Variants in CLVS2 observed in about 807,000 individuals in gnomAD.
The protein encoded by CLVS2 is clavesin 2.
In CLVS2, 19 loss-of-function variants were observed where a neutral mutation model predicts 29.0. That is an observed-to-expected ratio of 0.66 (90% CI 0.46 to 0.96). The LOEUF is 0.96. Among genes scored for constraint, CLVS2 ranks in the 40% least tolerant of loss-of-function variants. The pLI is 0.00. For missense variants in CLVS2, 294 were observed against 404.1 expected, an observed-to-expected ratio of 0.73 and a Z score of 2.34; for synonymous variants, 161 against 151.3, an observed-to-expected ratio of 1.06 and a Z score of -0.47.
chr6:123,051,907 A>C (rs1459107945), intron 4 of CLVS2, among the ~76,000 whole-genome samples: 3 of 152,210 alleles, frequency 2.0e-5, no homozygotes, highest in Admixed American at 2.0e-4. Flanking sequence ...ACACAGAACT[A>C]GTGAAAACAA....
chr6:123,014,630 G>A (rs180849568), intron 3 of CLVS2, among the ~76,000 whole-genome samples: 5 of 152,076 alleles, frequency 3.3e-5, no homozygotes, highest in Non-Finnish European at 7.4e-5. Context: ...TACCTGGCAG[G>A]TAATATCAAT....
At chr6:123,006,482 A>G (rs1774670852) in intron 2 of CLVS2, among the ~76,000 whole-genome samples, 2 of 152,210 alleles carry the variant, frequency 1.3e-5, no homozygotes, top group Admixed American at 6.5e-5. Flanking sequence ...GAGAAAGAAA[A>G]AGAGACACAA....
chr6:123,010,938 G>T, intron 2 of CLVS2, 47 bp from the exon 3 acceptor site: 2 of 1,255,754 alleles, frequency 1.6e-6, no homozygotes, highest in East Asian at 2.7e-5. Context: ...TAGCTTTTTG[G>T]AAAAGTGGTT....
intron 3 of CLVS2, among the ~76,000 whole-genome samples, chr6:123,025,627 C>G (rs116352665): frequency 0.012 from 1,805 of 152,246 alleles, 49 homozygotes; most frequent in African/African-American, 0.04. Flanking sequence ...CAAGCTGAGT[C>G]CTTCTCCAAG....
intron 3 of CLVS2, among the ~76,000 whole-genome samples, chr6:123,022,507 A>G (rs1486483770): frequency 6.6e-6 from 1 of 151,992 alleles, no homozygotes; most frequent in South Asian, 2.1e-4. Context: ...GGTAGGAGAT[A>G]AATTATTCTT....
At chr6:123,050,360 C>T (rs1032801547) in intron 4 of CLVS2, among the ~76,000 whole-genome samples, 1 of 152,134 alleles carries the variant, frequency 6.6e-6, no homozygotes, top group Non-Finnish European at 1.5e-5. Context: ...GTTCTCAGTG[C>T]TTTGCATAAG....
At chr6:123,022,709 A>T (rs531778179) in intron 3 of CLVS2, among the ~76,000 whole-genome samples, 3 of 151,962 alleles carry the variant, frequency 2.0e-5, no homozygotes, top group Non-Finnish European at 4.4e-5. Flanking sequence ...TTGAACTAAG[A>T]CTCTTAAGCT....
intron 3 of CLVS2, among the ~76,000 whole-genome samples, chr6:123,039,630 C>A (rs1353444785): frequency 6.6e-6 from 1 of 152,136 alleles, no homozygotes; most frequent in East Asian, 1.9e-4. Flanking sequence ...CTTAAACAAG[C>A]CCTGTGTCTT....
intron 3 of CLVS2, among the ~76,000 whole-genome samples, chr6:123,016,544 C>G (rs1205397836): frequency 6.6e-6 from 1 of 151,944 alleles, no homozygotes; most frequent in Non-Finnish European, 1.5e-5. Context: ...TGTGCTTTTG[C>G]CTTCACAATT....
At chr6:123,018,277 C>G (rs1485111605) in intron 3 of CLVS2, among the ~76,000 whole-genome samples, 1 of 152,004 alleles carries the variant, frequency 6.6e-6, no homozygotes, top group East Asian at 1.9e-4. Flanking sequence ...GTAAATGCAT[C>G]TTGATGTGTT....
chr6:123,010,318 C>T (rs1252184999), intron 2 of CLVS2, among the ~76,000 whole-genome samples: 2 of 151,886 alleles, frequency 1.3e-5, no homozygotes, highest in East Asian at 1.9e-4. Context: ...GTTACTGGAA[C>T]GTTTCAGGAA....
rs941343158 is a variant in CLVS2 at position 123,068,394 on chromosome 6, C to T, written c.*4633C>T. On this transcript the variant is annotated 3_prime_UTR_variant, in exon 6 of 6. Transcript: ENST00000275162. ...GATATAGTGCATTTATTCTGTAAGACTTATTTTACCTGGTGAACGAGATGG... is the reference window on the plus strand; with the variant it reads ...GATATAGTGCATTTATTCTGTAAGATTTATTTTACCTGGTGAACGAGATGG... The T allele has an allele frequency of 6.6e-6, 1 of 151,546 alleles. No homozygotes were observed. The highest frequency in any genetic ancestry group is 1.5e-5 in the Non-Finnish European group (1 of 67,660). 9.4% of individuals were successfully genotyped at this position (151,546 alleles called of 1,614,324 possible).
At chr6:123,035,703 CTT>C (rs1775144294) in intron 3 of CLVS2, among the ~76,000 whole-genome samples, 1 of 151,910 alleles carries the variant, frequency 6.6e-6, no homozygotes, top group East Asian at 1.9e-4. Context: ...GTCAGAATTG[CTT>C]TGTTCAGTTA....
intron 5 of CLVS2, 135 bp downstream of exon 5, chr6:123,056,161 A>G: frequency 1.6e-6 from 1 of 636,332 alleles, no homozygotes; most frequent in South Asian, 1.9e-5. Flanking sequence ...CTATGATTGT[A>G]TGTCTAAGAG....
At chr6:123,041,580 G>A (rs1013469791) in intron 3 of CLVS2, among the ~76,000 whole-genome samples, 15 of 152,220 alleles carry the variant, frequency 9.9e-5, no homozygotes, top group Non-Finnish European at 2.1e-4. Flanking sequence ...GGGCAAAAGA[G>A]AGATTTTCCA....
At chr6:123,049,133 G>A (rs1772566047) in intron 4 of CLVS2, among the ~76,000 whole-genome samples, 2 of 152,156 alleles carry the variant, frequency 1.3e-5, no homozygotes, top group Non-Finnish European at 2.9e-5. Context: ...AATGAATGTA[G>A]TGAAATCTGT....
rs1472080881 is a variant in CLVS2, at chr6:123,056,044, T to C, written c.896+18T>C. Reference sequence around the variant, plus strand: ...ATGAAGAGGTATGCTGGAGGTAGACTGGGGAGTGGGCTGGGCCAGGGCAGG... The same window carrying C: ...ATGAAGAGGTATGCTGGAGGTAGACCGGGGAGTGGGCTGGGCCAGGGCAGG... On this transcript the variant is annotated intron_variant, in intron 5 of 5. Coordinates refer to ENST00000275162, the MANE Select transcript of CLVS2 (RefSeq NM_001010852.4). The C allele has an allele frequency of 5.7e-6, 9 of 1,574,692 alleles. No homozygotes were observed. The African/African-American group carries it at 6.7e-5, about 12-fold the overall frequency.
chr6:123,043,797 A>G (rs905027804), intron 3 of CLVS2, among the ~76,000 whole-genome samples: 3 of 152,196 alleles, frequency 2.0e-5, no homozygotes, highest in Non-Finnish European at 4.4e-5. Context: ...ATTACTTGTA[A>G]TAGTATTTAT....
rs1006791885 is a variant in CLVS2, at chr6:123,066,204, T to C, written c.*2443T>C. On this transcript the variant is annotated 3_prime_UTR_variant, in exon 6 of 6. Coordinates refer to ENST00000275162, the MANE Select transcript of CLVS2 (RefSeq NM_001010852.4). ...TAAATTTACCCCTCAGCACCAGCTA[T>C]CTAGCACTGTTTAGGAATTTTTCCC... is the stretch of plus-strand genomic sequence containing the variant. 6.6e-6 allele frequency: 1 copy of C among 151,810 alleles called. No homozygotes were observed. The highest frequency in any genetic ancestry group is 1.5e-5 in the Non-Finnish European group (1 of 67,780). 9.4% of individuals were successfully genotyped at this position (151,810 alleles called of 1,614,324 possible).
Sources: gnomAD v4.1 joint callset for allele counts (sites outside exome capture counted in the v4.1 genomes callset) on GRCh38, gnomAD v4.1.1 for gene constraint, MANE v1.5 for transcripts, NCBI Gene and HGNC (gene_info 2026-07-23, HGNC 2026-07-21) for gene names.